Variants in IGF1R observed in about 807,000 individuals in gnomAD.
IGF1R encodes the protein insulin like growth factor 1 receptor, also known as insulin-like growth factor 1 receptor.
Under a neutral mutation model 144.6 loss-of-function variants are expected in IGF1R, and 44 were observed. The ratio of observed to expected loss-of-function variants is 0.30; its 90% confidence interval spans 0.24 to 0.39. The LOEUF is 0.39. IGF1R is among the 10% of genes least tolerant of loss of function. IGF1R has a pLI of 1.00. For missense variants in IGF1R, 1,355 were observed against 1,833.7 expected, an observed-to-expected ratio of 0.74 and a Z score of 4.77; for synonymous variants, 795 against 722.8, an observed-to-expected ratio of 1.10 and a Z score of -1.60.
intron 1 of IGF1R, among the ~76,000 whole-genome samples, chr15:98,666,543 C>A (rs545170064): frequency 4.2e-4 from 64 of 152,166 alleles, no homozygotes; most frequent in Non-Finnish European, 7.6e-4. Flanking sequence ...AATGGAATAT[C>A]ATTGAGCCTT....
At chr15:98,911,765 G>A (rs41342149) in intron 7 of IGF1R, among the ~76,000 whole-genome samples, 17,346 of 152,184 alleles carry the variant, frequency 0.11, 2,913 homozygotes, top group African/African-American at 0.37. Flanking sequence ...CCAGACTCAT[G>A]AACGATGATG....
intron 2 of IGF1R, among the ~76,000 whole-genome samples, chr15:98,868,189 T>C (rs2012558508): frequency 6.6e-6 from 1 of 151,094 alleles, no homozygotes; most frequent in Non-Finnish European, 1.5e-5. Context: ...AAACTCTGTC[T>C]CCAAAAAAAA....
intron 2 of IGF1R, among the ~76,000 whole-genome samples, chr15:98,753,552 A>T (rs2055075225): frequency 6.6e-6 from 1 of 151,776 alleles, no homozygotes; most frequent in African/African-American, 2.4e-5. Flanking sequence ...ATAAATTTTG[A>T]TATAAATTCC....
chr15:98,906,136 A>C (rs752198817), intron 5 of IGF1R, among the ~76,000 whole-genome samples: 2 of 152,242 alleles, frequency 1.3e-5, no homozygotes, highest in Non-Finnish European at 2.9e-5. Context: ...AGTCAAATAC[A>C]CAGAATTTCA....
intron 1 of IGF1R, among the ~76,000 whole-genome samples, chr15:98,699,497 A>T (rs577559372): frequency 6.6e-6 from 1 of 152,312 alleles, no homozygotes; most frequent in East Asian, 1.9e-4. Flanking sequence ...ATTTGGAGTA[A>T]CTGTCAGAGC....
chr15:98,918,933 C>T (rs1410756275), intron 10 of IGF1R, among the ~76,000 whole-genome samples: 1 of 152,108 alleles, frequency 6.6e-6, no homozygotes, highest in Non-Finnish European at 1.5e-5. Flanking sequence ...CTCATGGCCT[C>T]TCCTAGCCTG....
intron 2 of IGF1R, among the ~76,000 whole-genome samples, chr15:98,718,160 C>T (rs945401362): frequency 1.3e-5 from 2 of 152,214 alleles, no homozygotes; most frequent in African/African-American, 4.8e-5. Context: ...AATGCCAGGC[C>T]TCTGCCCGAA....
chr15:98,912,119 A>G (rs1191705520), intron 7 of IGF1R, among the ~76,000 whole-genome samples: 1 of 151,654 alleles, frequency 6.6e-6, no homozygotes, highest in East Asian at 1.9e-4. Context: ...TGCCTTCTAT[A>G]TCCAGGTGGC....
At chr15:98,830,018 A>G (rs2056971388) in intron 2 of IGF1R, among the ~76,000 whole-genome samples, 1 of 152,190 alleles carries the variant, frequency 6.6e-6, no homozygotes, top group Admixed American at 6.5e-5. Flanking sequence ...ACGGTTTTCT[A>G]ATACTGAGAC....
At chr15:98,730,852 G>T (rs557978482) in intron 2 of IGF1R, among the ~76,000 whole-genome samples, 1 of 151,772 alleles carries the variant, frequency 6.6e-6, no homozygotes, top group African/African-American at 2.4e-5. Context: ...TTCCTTGAAT[G>T]CTTACAGAAA....
chr15:98,956,752 A>G (rs1455606390), intron 20 of IGF1R, among the ~76,000 whole-genome samples: 1 of 152,216 alleles, frequency 6.6e-6, no homozygotes, highest in Non-Finnish European at 1.5e-5. Flanking sequence ...GCCACCATAG[A>G]TAACAGCTGT....
At chr15:98,899,679 T>A in intron 5 of IGF1R, 58 bp downstream of exon 5, 1 of 1,560,728 alleles carries the variant, frequency 6.4e-7, no homozygotes, top group Non-Finnish European at 8.8e-7. Context: ...AGCGTGCTTA[T>A]GAAACTGTGT....
chr15:98,881,512 C>G (rs549612100), intron 2 of IGF1R, among the ~76,000 whole-genome samples: 54 of 152,054 alleles, frequency 3.6e-4, no homozygotes, highest in Non-Finnish European at 7.1e-4. Flanking sequence ...TAGTAGAGAT[C>G]GGCTTTCACC....
At chr15:98,953,928 C>G (rs1271312190) in intron 20 of IGF1R, among the ~76,000 whole-genome samples, 3 of 152,150 alleles carry the variant, frequency 2.0e-5, no homozygotes, top group African/African-American at 7.2e-5. Flanking sequence ...CACTGAGGCA[C>G]ACAGGCCCCA....
At chr15:98,733,348 G>A (rs375726654) in intron 2 of IGF1R, among the ~76,000 whole-genome samples, 21 of 152,168 alleles carry the variant, frequency 1.4e-4, no homozygotes, top group African/African-American at 4.1e-4. Context: ...AGCCTCCTGC[G>A]TGGTTGGGAC....
At chr15:98,785,585 A>G (rs369817119) in intron 2 of IGF1R, among the ~76,000 whole-genome samples, 1 of 152,176 alleles carries the variant, frequency 6.6e-6, no homozygotes, top group East Asian at 1.9e-4. Flanking sequence ...TTTAGCCCCA[A>G]AGGTTTTGTG....
chr15:98,761,256 C>A (rs72769810), intron 2 of IGF1R, among the ~76,000 whole-genome samples: 8,378 of 152,264 alleles, frequency 0.055, 275 homozygotes, highest in East Asian at 0.12. Flanking sequence ...CTTGGGGTGT[C>A]ACAGAGACAT....
rs1567170020 is a variant in IGF1R, at chr15:98,869,315, C to CAACA, written c.641-22008_641-22007insCAAA. Among the ~76,000 whole-genome samples the CAACA allele has an allele frequency of 3.4e-3, 512 of 149,888 alleles. 5 individuals are homozygous for CAACA. The highest frequency in any genetic ancestry group is 0.012 in the African/African-American group (470 of 40,734). Reference sequence around the variant, plus strand: ...TAAAAAAAACAAACAACAACAACAACAAAAAAAAACACCACATACCGCATG... The same window carrying CAACA: ...TAAAAAAAACAAACAACAACAACAACAACAAAAAAAAAACACCACATACCGCATG... On this transcript the variant is annotated intron_variant, in intron 2 of 20. Coordinates refer to ENST00000650285, the MANE Select transcript of IGF1R (RefSeq NM_000875.5).
intron 1 of IGF1R, 81 bp downstream of exon 1, chr15:98,649,756 GC>G: frequency 1.8e-6 from 2 of 1,081,530 alleles, no homozygotes; most frequent in Non-Finnish European, 2.8e-6. Flanking sequence ...AACCCGAGTT[GC>G]CACCGTCGCA....
Sources: allele counts gnomAD v4.1 joint callset (sites outside exome capture counted in the v4.1 genomes callset), GRCh38; gene constraint gnomAD v4.1.1; transcripts MANE v1.5; gene names NCBI Gene and HGNC (gene_info 2026-07-23, HGNC 2026-07-21).